KLHL6: variants seen among roughly 807,000 people sequenced by gnomAD.
KLHL6 encodes kelch-like protein 6.
KLHL6 carries 41 observed loss-of-function variants against 58.6 expected under a neutral mutation model. That is an observed-to-expected ratio of 0.70 (90% CI 0.55 to 0.91). KLHL6 has a LOEUF of 0.91. Among genes scored for constraint, KLHL6 ranks in the 40% least tolerant of loss-of-function variants. KLHL6 has a pLI of 0.00. For missense variants in KLHL6, 714 were observed against 805.6 expected (o/e 0.89, Z 1.38); for synonymous variants, 338 against 322.7 (o/e 1.05, Z -0.51).
At chr3:183,528,117 A>G in intron 1 of KLHL6, 107 bp from the exon 2 acceptor site, 4 of 1,264,646 alleles carry the variant, frequency 3.2e-6, no homozygotes, top group Non-Finnish European at 4.5e-6. Flanking sequence ...GGGGTTTCCC[A>G]AGGTCAGGTC....
rs1301620142 is a variant in KLHL6, at chr3:183,492,617, G to A, written c.1441C>T (p.Leu481=). 1 of 1,614,176 alleles carries A rather than the reference G, an allele frequency of 6.2e-7. No individual in the cohort carries two copies. Among genetic ancestry groups the A allele is most frequent in the East Asian group, 2.2e-5 (1 of 44,884 alleles). The change falls in exon 6 of 7, where the codon CTG becomes TTG. Residue 481 remains leucine, a synonymous_variant. Coordinates refer to ENST00000341319, the MANE Select transcript of KLHL6 (RefSeq NM_130446.4). The surrounding 1 kb of genome is among the most constrained non-coding windows in gnomAD (Gnocchi z 5.9). ...YVIGGGPNGK[L]ATDKTQCYDP... is the part of the protein sequence containing the mutation. ...TAACACTGAGTCTTGTCTGTGGCCA[G>A]TTTCCCATTGGGCCCTCCCCCGATC... is the stretch of plus-strand genomic sequence containing the variant.
At chr3:183,510,932 G>T (rs562799306) in intron 2 of KLHL6, among the ~76,000 whole-genome samples, 22 of 151,658 alleles carry the variant, frequency 1.5e-4, no homozygotes, top group African/African-American at 3.9e-4. Context: ...GCTGAAGGGG[G>T]CCAGCCCCTC....
At chr3:183,503,886 A>T (rs1717934886) in intron 3 of KLHL6, among the ~76,000 whole-genome samples, 1 of 152,220 alleles carries the variant, frequency 6.6e-6, no homozygotes, top group African/African-American at 2.4e-5. Context: ...TTCACAGAGT[A>T]GCCTCCAGGC....
chr3:183,510,294 G>T (rs1718144739), intron 2 of KLHL6, among the ~76,000 whole-genome samples: 1 of 148,690 alleles, frequency 6.7e-6, no homozygotes, highest in African/African-American at 2.5e-5. Context: ...AGGCTGAGGG[G>T]GCAAGACCTG....
At chr3:183,551,935 G>A (rs940097477) in intron 1 of KLHL6, 2 of 152,066 alleles carry the variant, frequency 1.3e-5, no homozygotes, top group African/African-American at 4.8e-5. Flanking sequence ...TGAAGAGACA[G>A]TTCAACAAAA....
At position 183,508,180 on chromosome 3, in the gene KLHL6, A is replaced by C. The variant is rs764948873; in HGVS notation, c.788T>G (p.Leu263Ter). The C allele has an allele frequency of 3.1e-6, 5 of 1,614,078 alleles. No homozygotes were observed. The highest frequency in any genetic ancestry group is 3.4e-6 in the Non-Finnish European group (4 of 1,180,032). ...LLPYVLENVRLPLLDPWYFVE... is the reference protein window; with the variant it reads ...LLPYVLENVR The stretch of plus-strand genomic sequence containing the variant: ...AAAGTACCACGGGTCCAGAAGCGGT[A>C]AGCGCACGTTCTCGAGGACATAGGG... The change falls in exon 3 of 7, where the codon TTA (leucine) becomes TGA (stop). Residue 263 changes from leucine to a stop codon, truncating the protein, a stop_gained. Coordinates refer to ENST00000341319, the MANE Select transcript of KLHL6 (RefSeq NM_130446.4). LOFTEE classifies it high-confidence loss of function.
chr3:183,514,739 G>T (rs1202453228), intron 2 of KLHL6, among the ~76,000 whole-genome samples: 1 of 151,772 alleles, frequency 6.6e-6, no homozygotes, highest in East Asian at 1.9e-4. Flanking sequence ...CACGATCTCG[G>T]CTCATTGCAT....
At chr3:183,520,917 G>A (rs1357140209) in intron 2 of KLHL6, 1 of 152,082 alleles carries the variant, frequency 6.6e-6, no homozygotes, top group African/African-American at 2.4e-5. Context: ...AGCACAGAGT[G>A]TGACCCTTTG....
Position 183,508,487 on chromosome 3 carries a change from A to G in KLHL6, c.481T>C (p.Cys161Arg), listed in dbSNP as rs751725271. The G allele has an allele frequency of 5.6e-6, 9 of 1,613,834 alleles. No homozygotes were observed. The highest frequency in any genetic ancestry group is 7.6e-6 in the Non-Finnish European group (9 of 1,179,780). The change falls in exon 3 of 7, where the codon TGT becomes CGT. Residue 161 changes from cysteine (C) to arginine (R), a missense_variant. This residue lies in a region of KLHL6 where 510 missense variants were observed against 629.7 expected (regional missense o/e 0.81). Transcript: ENST00000341319. ...LFQFLRMVDA[C>R]ASFLTEALNP... ...AAGGCTTCAGTGAGGAAGCTGGCAC[A>G]GGCATCCACCATCCGCAGGAACTGA... is the stretch of plus-strand genomic sequence containing the variant.
intron 4 of KLHL6, among the ~76,000 whole-genome samples, chr3:183,495,998 T>G (rs547002673): frequency 6.6e-6 from 1 of 152,170 alleles, no homozygotes; most frequent in South Asian, 2.1e-4. Flanking sequence ...AAAATAAAAT[T>G]CAAATGTTAC....
chr3:183,542,254 C>T (rs1002989366), intron 1 of KLHL6, among the ~76,000 whole-genome samples: 2 of 152,194 alleles, frequency 1.3e-5, no homozygotes, highest in South Asian at 2.1e-4. Flanking sequence ...GATCTTGGAT[C>T]ACATCTCTTT....
chr3:183,504,036 G>T (rs886234525), intron 3 of KLHL6, among the ~76,000 whole-genome samples: 2 of 152,114 alleles, frequency 1.3e-5, no homozygotes, highest in African/African-American at 4.8e-5. Context: ...ACTATAAAAT[G>T]AAGATGAGAA....
intron 2 of KLHL6, among the ~76,000 whole-genome samples, chr3:183,518,015 G>C (rs967996398): frequency 6.6e-6 from 1 of 152,212 alleles, no homozygotes; most frequent in East Asian, 1.9e-4. Flanking sequence ...CCACTTCCAG[G>C]TTCTCTCTGC....
chr3:183,517,397 C>T (rs1274275027), intron 2 of KLHL6, among the ~76,000 whole-genome samples: 4 of 152,192 alleles, frequency 2.6e-5, no homozygotes, highest in South Asian at 2.1e-4. Flanking sequence ...GCTCCAGCTC[C>T]GTTCCCGTGG....
Position 183,491,943 on chromosome 3 carries a change from C to A in KLHL6, c.1850G>T (p.Gly617Val). 1 of 1,507,588 alleles carries A rather than the reference C, an allele frequency of 6.6e-7. No individual in the cohort carries two copies. The highest frequency in any genetic ancestry group is 1.3e-5 in the South Asian group (1 of 75,250). The allele number at this position is 1,507,588 out of a possible 1,614,324, so 93.4% of individuals were successfully genotyped here. A position where few individuals can be genotyped will look rare whatever the true frequency, so the allele number is the denominator to read the frequency against. Residue 617 changes from glycine (G) to valine (V), a missense_variant, in exon 7 of 7, where the codon GGA (glycine) becomes GTA (valine). Coordinates refer to ENST00000341319, the MANE Select transcript of KLHL6 (RefSeq NM_130446.4). ...SYTHIRRIVPGAVSV is the reference protein window; with the variant it reads ...SYTHIRRIVPVAVSV ...ATCCTGCCGTCAGACAGACACTGCT[C>A]CGGGCACGATCCTGCGGATGTGGGT...
Position 183,494,422 on chromosome 3 carries a change from T to G in KLHL6, c.1148-141A>C, listed in dbSNP as rs558853936. ...GGAGATACAAGAAACCCAGCAGGTG[T>G]GTGATGTCTGGCAGGGGAGATGAGG... On this transcript the variant is annotated intron_variant, in intron 4 of 6. Transcript: ENST00000341319. The G allele has an allele frequency of 3.5e-4, 233 of 667,222 alleles. No individual in the cohort carries two copies. The African/African-American group carries it at 3.9e-3, about 11-fold the overall frequency. The allele number at this position is 667,222 out of a possible 1,614,324, so 41.3% of individuals were successfully genotyped here.
chr3:183,488,167 C>G lies in KLHL6; in HGVS notation c.*3760G>C, dbSNP rs1717451561. The G allele has an allele frequency of 6.6e-6, 1 of 152,194 alleles. No homozygotes were observed. Among genetic ancestry groups the G allele is most frequent in the Non-Finnish European group, 1.5e-5 (1 of 68,058 alleles). 9.4% of individuals were successfully genotyped at this position (152,194 alleles called of 1,614,324 possible). ...TGTTGGTGTTCTGATGAGCTTAGCT[C>G]CCTGCCTGTTTCAGATCAACCTTGG... is the stretch of plus-strand genomic sequence containing the variant. On this transcript the variant is annotated 3_prime_UTR_variant, in exon 7 of 7. Transcript: ENST00000341319.
chr3:183,505,754 T>C (rs549817835), intron 3 of KLHL6, among the ~76,000 whole-genome samples: 154 of 152,084 alleles, frequency 1.0e-3, no homozygotes, highest in African/African-American at 3.6e-3. Flanking sequence ...AGGAATGCTG[T>C]GAACAACTTT....
intron 1 of KLHL6, among the ~76,000 whole-genome samples, chr3:183,547,133 G>C (rs1222858913): frequency 6.6e-6 from 1 of 152,228 alleles, no homozygotes; most frequent in South Asian, 2.1e-4. Context: ...GGCTGGTCTT[G>C]AACTCTTGAC....
Sources: allele counts gnomAD v4.1 joint callset (sites outside exome capture counted in the v4.1 genomes callset), GRCh38; gene constraint gnomAD v4.1.1; regional missense constraint gnomAD v4.1.1; non-coding constraint Gnocchi (gnomAD v3.1); transcripts MANE v1.5; gene names NCBI Gene and HGNC (gene_info 2026-07-23, HGNC 2026-07-21).